Variants in CELF5 observed in about 807,000 individuals in gnomAD.
CELF5 encodes CUG-BP and ETR-3 like factor 5.
Under a neutral mutation model 54.9 loss-of-function variants are expected in CELF5, and 6 were observed. The observed-to-expected ratio is 0.11, with a 90% CI of 0.06 to 0.22. CELF5 has a LOEUF of 0.22. Among genes scored for constraint, CELF5 ranks in the 10% least tolerant of loss-of-function variants. CELF5 has a pLI of 1.00. For synonymous variants in CELF5, 271 were observed against 290.9 expected (o/e 0.93, Z 0.70); for missense variants, 401 against 678.6 (o/e 0.59, Z 4.54).
chr19:3,270,747 A>T (rs2145212528), intron 2 of CELF5: 1 of 151,872 alleles, frequency 6.6e-6, no homozygotes, highest in African/African-American at 2.4e-5. Flanking sequence ...CCTGGAGAGG[A>T]GGGGGCTACC....
intron 11 of CELF5, among the ~76,000 whole-genome samples, chr19:3,291,139 A>G (rs1347640555): frequency 6.6e-6 from 1 of 151,784 alleles, no homozygotes; most frequent in Non-Finnish European, 1.5e-5. Flanking sequence ...GGTGGTGCAC[A>G]CTGGTAGTCT....
intron 11 of CELF5, among the ~76,000 whole-genome samples, chr19:3,292,554 G>A (rs1008423725): frequency 3.9e-5 from 6 of 152,020 alleles, no homozygotes; most frequent in Admixed American, 6.5e-5. Flanking sequence ...AAGGTGCTGG[G>A]ATTACAGGCG....
intron 12 of CELF5, chr19:3,295,941 C>T (rs10413773): frequency 3.9e-5 from 6 of 152,244 alleles, no homozygotes; most frequent in Non-Finnish European, 7.3e-5. Flanking sequence ...TCACCAGCCT[C>T]GAATTTAAGG....
intron 1 of CELF5, 105 bp from the exon 2 acceptor site, chr19:3,250,880 G>GTCGCCGATTC: frequency 1.4e-6 from 1 of 717,676 alleles, no homozygotes. Flanking sequence ...TGCATCTGTG[G>GTCGCCGATTC]ATGGAAGCTT....
intron 11 of CELF5, among the ~76,000 whole-genome samples, chr19:3,293,041 C>T (rs183907019): frequency 1.3e-3 from 204 of 152,236 alleles, no homozygotes; most frequent in Non-Finnish European, 1.0e-3. Flanking sequence ...CCAGGACCCT[C>T]GGAAGCCCCA....
At chr19:3,238,332 AGG>A (rs2079445557) in intron 1 of CELF5, among the ~76,000 whole-genome samples, 1 of 147,520 alleles carries the variant, frequency 6.8e-6, no homozygotes, top group East Asian at 2.0e-4. Context: ...GAGATCCCGC[AGG>A]GCCCAAACCA....
chr19:3,278,074 G>T lies in CELF5; in HGVS notation c.567G>T (p.Ala189=). 6.2e-7 allele frequency: 1 copy of T among 1,613,172 alleles called. No individual in the cohort carries two copies. Among genetic ancestry groups the T allele is most frequent in the Non-Finnish European group, 8.5e-7 (1 of 1,179,942 alleles). The part of the protein sequence containing the change: ...VKFSSHTEAQ[A]AIHALHGSQT... The stretch of plus-strand genomic sequence containing the variant: ...TCTCCTCCCACACGGAGGCGCAGGC[G>T]GCCATCCACGCCTTGCATGGGAGCC... The change falls in exon 5 of 13, where the codon GCG becomes GCT. Residue 189 remains alanine, a synonymous_variant. Transcript: ENST00000292672. This position sits in a 1 kb window ranked among gnomAD's most constrained non-coding sequence, Gnocchi z 4.5.
intron 1 of CELF5, among the ~76,000 whole-genome samples, chr19:3,237,600 G>A (rs2079434327): frequency 6.6e-6 from 1 of 152,172 alleles, no homozygotes; most frequent in Non-Finnish European, 1.5e-5. Context: ...CATGTAATGA[G>A]CAGTGAGGAT....
At chr19:3,256,496 G>C (rs10420340) in intron 2 of CELF5, among the ~76,000 whole-genome samples, 6 of 151,310 alleles carry the variant, frequency 4.0e-5, no homozygotes, top group African/African-American at 1.2e-4. Context: ...CAAGAAATGG[G>C]GTGACTTTCA....
intron 2 of CELF5, 27 bp downstream of exon 2, chr19:3,251,094 G>A: frequency 1.3e-6 from 2 of 1,578,158 alleles, no homozygotes; most frequent in Non-Finnish European, 1.7e-6. Context: ...GTCTGGGGAG[G>A]AGGGGACAGG....
intron 10 of CELF5, among the ~76,000 whole-genome samples, chr19:3,288,908 A>G (rs1271310141): frequency 1.3e-5 from 2 of 152,158 alleles, no homozygotes; most frequent in South Asian, 4.1e-4. Context: ...TGGGAATGGA[A>G]GAAGGTCATT....
intron 2 of CELF5, among the ~76,000 whole-genome samples, chr19:3,260,779 T>C (rs1470254811): frequency 6.6e-6 from 1 of 152,048 alleles, no homozygotes; most frequent in East Asian, 1.9e-4. Flanking sequence ...CCCGCCACCA[T>C]GACCGGCTAA....
intron 2 of CELF5, among the ~76,000 whole-genome samples, chr19:3,266,048 C>G (rs1295476814): frequency 6.6e-6 from 1 of 152,190 alleles, no homozygotes; most frequent in Non-Finnish European, 1.5e-5. Flanking sequence ...CTCAGGTGAT[C>G]TGCCCATCTT....
intron 2 of CELF5, among the ~76,000 whole-genome samples, chr19:3,265,017 T>G (rs1360713107): frequency 6.6e-6 from 1 of 152,102 alleles, no homozygotes; most frequent in Non-Finnish European, 1.5e-5. Flanking sequence ...CCTGGCCTGT[T>G]TTACTTAATT....
intron 2 of CELF5, among the ~76,000 whole-genome samples, chr19:3,256,169 G>A (rs2079722611): frequency 6.6e-6 from 1 of 152,052 alleles, no homozygotes; most frequent in Non-Finnish European, 1.5e-5. Flanking sequence ...TCACTCCCCA[G>A]ACACTGACGA....
chr19:3,234,379 G>A (rs1917421331), intron 1 of CELF5, among the ~76,000 whole-genome samples: 1 of 152,174 alleles, frequency 6.6e-6, no homozygotes, highest in Non-Finnish European at 1.5e-5. Context: ...GATCGTAGGT[G>A]TGAGCCACCG....
chr19:3,278,443 TTGAG>T lies in CELF5; in HGVS notation c.603+336_603+339del, dbSNP rs2080092737. ...TGCATGTGTGTGTGTGAGTGCGTGT[TTGAG>T]TGTGTCATTACTAGTAGGCGAGTGT... is the stretch of plus-strand genomic sequence containing the variant. On this transcript the variant is annotated intron_variant, in intron 5 of 12. Coordinates refer to ENST00000292672, the MANE Select transcript of CELF5 (RefSeq NM_021938.4). This position sits in a 1 kb window ranked among gnomAD's most constrained non-coding sequence, Gnocchi z 4.5. Among the ~76,000 whole-genome samples the T allele has an allele frequency of 6.7e-6, 1 of 150,184 alleles. No homozygotes were observed. Among genetic ancestry groups the T allele is most frequent in the Non-Finnish European group, 1.5e-5 (1 of 67,522 alleles).
chr19:3,230,140 T>C (rs1599380526), intron 1 of CELF5, among the ~76,000 whole-genome samples: 4 of 152,238 alleles, frequency 2.6e-5, no homozygotes, highest in Admixed American at 2.6e-4. Context: ...GAAAACCTTC[T>C]GTGGCCTTAC....
At chr19:3,276,594 G>C (rs1044555771) in intron 4 of CELF5, among the ~76,000 whole-genome samples, 1 of 148,950 alleles carries the variant, frequency 6.7e-6, no homozygotes, top group South Asian at 2.1e-4. Flanking sequence ...GTTCACAGGG[G>C]TTGGGTGGAG....
Sources: gnomAD v4.1 joint callset for allele counts (sites outside exome capture counted in the v4.1 genomes callset) on GRCh38, gnomAD v4.1.1 for gene constraint, Gnocchi (gnomAD v3.1) non-coding constraint, MANE v1.5 for transcripts, NCBI Gene and HGNC (gene_info 2026-07-23, HGNC 2026-07-21) for gene names.